ZNF722: variants seen among roughly 807,000 people sequenced by gnomAD.
ZNF722 encodes the protein zinc finger protein 722.
At chr7:64,009,163 G>A in the ZNF722 span, among the ~76,000 whole-genome samples, 2 of 152,088 alleles carry the variant, frequency 1.3e-5, no homozygotes, top group African/African-American at 4.8e-5. Context: ...ATGGGGTTTT[G>A]TAAATATACA....
chr7:64,012,631 A>G, the ZNF722 span, among the ~76,000 whole-genome samples: 9 of 152,150 alleles, frequency 5.9e-5, no homozygotes, highest in African/African-American at 1.2e-4. Flanking sequence ...GAAATTTACT[A>G]AGACTTATGT....
At chr7:64,007,230 G>GTATATATATATATATATATATATATATA in the ZNF722 span, among the ~76,000 whole-genome samples, 61 of 138,368 alleles carry the variant, frequency 4.4e-4, 2 homozygotes, top group African/African-American at 8.7e-4. Context: ...GTTTGTGTGT[G>GTATATATATATATATATATATATATATA]TATATATATA....
the ZNF722 span, chr7:64,005,651 C>T: frequency 7.4e-7 from 1 of 1,360,456 alleles, no homozygotes; most frequent in Admixed American, 1.7e-5. Flanking sequence ...AGAATTCTCT[C>T]TGGAGGAGTG....
chr7:64,009,241 T>C, the ZNF722 span, among the ~76,000 whole-genome samples: 1 of 152,228 alleles, frequency 6.6e-6, no homozygotes, highest in Non-Finnish European at 1.5e-5. Flanking sequence ...TTTATTTATT[T>C]TTCTTGCCTG....
chr7:64,014,718 A>G, the ZNF722 span, among the ~76,000 whole-genome samples: 1 of 152,176 alleles, frequency 6.6e-6, no homozygotes, highest in African/African-American at 2.4e-5. Context: ...GTCATTAAAG[A>G]CACCATGTTC....
At chr7:64,006,397 G>A in the ZNF722 span, 5 of 997,588 alleles carry the variant, frequency 5.0e-6, no homozygotes, top group Admixed American at 8.5e-5. Flanking sequence ...TTGAAATGTG[G>A]TCTGGGGAGC....
the ZNF722 span, among the ~76,000 whole-genome samples, chr7:64,000,939 A>G: frequency 3.8e-4 from 58 of 150,696 alleles, no homozygotes; most frequent in African/African-American, 1.3e-3. Context: ...ACCACATCCA[A>G]CTAATTTTTT....
At chr7:64,000,018 A>AT in the ZNF722 span, among the ~76,000 whole-genome samples, 11 of 149,100 alleles carry the variant, frequency 7.4e-5, no homozygotes, top group East Asian at 6.0e-4. Context: ...TTTGAGTTAG[A>AT]TTTTTTTTTT....
the ZNF722 span, among the ~76,000 whole-genome samples, chr7:64,000,532 C>T: frequency 7.3e-6 from 1 of 136,358 alleles, no homozygotes; most frequent in Non-Finnish European, 1.5e-5. Context: ...CTCACTGCAA[C>T]CTCTGGCTTT....
the ZNF722 span, among the ~76,000 whole-genome samples, chr7:64,008,230 A>G: frequency 0.59 from 90,092 of 151,966 alleles, 27,894 homozygotes; most frequent in Non-Finnish European, 0.7. Context: ...TTTGCTGTGC[A>G]GAAGCTCTTT....
At chr7:64,003,217 T>C in the ZNF722 span, among the ~76,000 whole-genome samples, 1 of 152,190 alleles carries the variant, frequency 6.6e-6, no homozygotes, top group Admixed American at 6.5e-5. Context: ...AGAACATTGC[T>C]GGTGTCTGAT....
chr7:64,001,927 A>T, the ZNF722 span, among the ~76,000 whole-genome samples: 1 of 152,142 alleles, frequency 6.6e-6, no homozygotes, highest in Non-Finnish European at 1.5e-5. Context: ...TCTATTGCCC[A>T]GGCTGGAGTG....
At chr7:64,000,119 CTTT>C in the ZNF722 span, among the ~76,000 whole-genome samples, 5 of 142,742 alleles carry the variant, frequency 3.5e-5, no homozygotes, top group South Asian at 2.3e-4. Flanking sequence ...TTTTCCCTTA[CTTT>C]TTTTTTTTTT....
chr7:64,015,988 A>G, the ZNF722 span: 1 of 1,003,430 alleles, frequency 1.0e-6, no homozygotes, highest in Non-Finnish European at 1.4e-6. Flanking sequence ...AAACACTACA[A>G]GTGTAGAGAA....
the ZNF722 span, among the ~76,000 whole-genome samples, chr7:64,009,591 C>G: frequency 6.6e-6 from 1 of 152,194 alleles, no homozygotes; most frequent in East Asian, 1.9e-4. Context: ...AGAGATGAAG[C>G]TGACTTGATC....
the ZNF722 span, among the ~76,000 whole-genome samples, chr7:63,999,453 G>C: frequency 6.6e-6 from 1 of 152,158 alleles, no homozygotes; most frequent in Non-Finnish European, 1.5e-5. Flanking sequence ...TGATTCAAGA[G>C]TCATAGAGCG....
chr7:64,015,329 A>C, the ZNF722 span: 7 of 1,367,020 alleles, frequency 5.1e-6, no homozygotes, highest in South Asian at 2.4e-5. Flanking sequence ...TCAAATGTAA[A>C]AAATATGGCA....
At chr7:64,016,756 T>C in the ZNF722 span, among the ~76,000 whole-genome samples, 2 of 152,120 alleles carry the variant, frequency 1.3e-5, no homozygotes, top group South Asian at 2.1e-4. Context: ...AATTTTATAC[T>C]GGAGAGAAAC....
the ZNF722 span, among the ~76,000 whole-genome samples, chr7:64,001,992 T>TC: frequency 6.6e-6 from 1 of 152,064 alleles, no homozygotes; most frequent in Non-Finnish European, 1.5e-5. Context: ...CAAGAGATTC[T>TC]CCTGCCTCAG....
Sources: gnomAD v4.1 joint callset for allele counts (sites outside exome capture counted in the v4.1 genomes callset) on GRCh38, gnomAD v4.1.1 for gene constraint, MANE v1.5 for transcripts, NCBI Gene and HGNC (gene_info 2026-07-23, HGNC 2026-07-21) for gene names.